The following SMAD3 variants were observed in gnomAD, a reference collection of about 807,000 sequenced individuals.
SMAD3 encodes the protein MAD homolog 3.
SMAD3 carries 12 observed loss-of-function variants against 51.8 expected under a neutral mutation model. The ratio of observed to expected loss-of-function variants is 0.23; its 90% confidence interval spans 0.15 to 0.38. The LOEUF (loss-of-function observed/expected upper bound fraction) is 0.38, where lower values mean the gene tolerates loss of function less well. SMAD3 is among the 10% of genes least tolerant of loss of function. SMAD3 has a pLI of 1.00. For synonymous variants in SMAD3, 238 were observed against 227.7 expected, an observed-to-expected ratio of 1.05 and a Z score of -0.41; for missense variants, 294 against 565.6, an observed-to-expected ratio of 0.52 and a Z score of 4.87.
At chr15:67,185,389 G>A (rs542514131) in intron 7 of SMAD3, among the ~76,000 whole-genome samples, 30 of 152,270 alleles carry the variant, frequency 2.0e-4, no homozygotes, top group African/African-American at 5.5e-4. Context: ...AGAAACATCC[G>A]GATCCTGAAG....
rs1555412065 is a variant in SMAD3 at position 67,164,931 on chromosome 15, G to T, written c.243G>T (p.Lys81Asn). 6.2e-7 allele frequency: 1 copy of T among 1,613,502 alleles called. No homozygotes were observed. The highest frequency in any genetic ancestry group is 8.5e-7 in the Non-Finnish European group (1 of 1,180,046). Residue 81 changes from lysine to asparagine, a missense_variant, in exon 2 of 9, where the codon AAG (lysine) becomes AAT (asparagine). Physicochemically the swap from Lys to Asn is moderately conservative, Grantham distance 94 (BLOSUM62 0). This residue lies in a region of SMAD3 where 147 missense variants were observed against 260.9 expected (regional missense o/e 0.56). Transcript: ENST00000327367. ...GCCGGTTGCAGGTGTCCCATCGGAA[G>T]GGGCTCCCTCATGTCATCTACTGCC... ...LDGRLQVSHRKGLPHVIYCRL... is the reference protein window; with the variant it reads ...LDGRLQVSHRNGLPHVIYCRL...
rs372450521 is a variant in SMAD3 at position 67,153,266 on chromosome 15, T to C, written c.207-11629T>C. 8.2e-4 allele frequency among the ~76,000 whole-genome samples: 125 copies of C among 152,150 alleles called. 2 individuals are homozygous for C. In the East Asian group the frequency reaches 0.02, roughly 24 times the overall value. On this transcript the variant is annotated intron_variant, in intron 1 of 8. Coordinates refer to ENST00000327367, the MANE Select transcript of SMAD3 (RefSeq NM_005902.4). Reference sequence around the variant, plus strand: ...AAGCACTTTGGGAGGCTGGGGCAGGTGGATCACCTGAGGTCAGGCGTTTGA... The same window carrying C: ...AAGCACTTTGGGAGGCTGGGGCAGGCGGATCACCTGAGGTCAGGCGTTTGA...
In SMAD3 at chr15:67,117,537, GT is replaced by G. The variant is rs1418921480; in HGVS notation, c.207-47357del. 3.3e-5 allele frequency among the ~76,000 whole-genome samples: 5 copies of G among 152,228 alleles called. No homozygotes were observed. In the South Asian group the frequency reaches 1.0e-3, roughly 32 times the overall value. ...CTTTTGATCATGAGGAAGCCACCAG[GT>G]CCCTGGTGGAGTTCAGCAGATGTGC... On this transcript the variant is annotated intron_variant, in intron 1 of 8. Transcript: ENST00000327367.
At chr15:67,092,721 G>A (rs1360355619) in intron 1 of SMAD3, among the ~76,000 whole-genome samples, 2 of 152,188 alleles carry the variant, frequency 1.3e-5, no homozygotes, top group Non-Finnish European at 2.9e-5. Flanking sequence ...GGACTGGTAG[G>A]GCTGTGCCCC....
chr15:67,128,773 C>T (rs1211075461), intron 1 of SMAD3, among the ~76,000 whole-genome samples: 1 of 152,054 alleles, frequency 6.6e-6, no homozygotes, highest in Non-Finnish European at 1.5e-5. Flanking sequence ...GTGAACCTCG[C>T]CATTTTGCCA....
chr15:67,112,277 G>C (rs1961034558), intron 1 of SMAD3, among the ~76,000 whole-genome samples: 1 of 147,494 alleles, frequency 6.8e-6, no homozygotes. Context: ...AGCCTCCCAA[G>C]TAGCTGGGAT....
intron 1 of SMAD3, among the ~76,000 whole-genome samples, chr15:67,101,544 A>G (rs1484366698): frequency 6.6e-6 from 1 of 152,154 alleles, no homozygotes; most frequent in African/African-American, 2.4e-5. Context: ...AGCAATGATG[A>G]TGACAGTGAT....
At chr15:67,182,996 A>ATATATATATATAT (rs1429510155) in intron 6 of SMAD3, among the ~76,000 whole-genome samples, 5 of 55,374 alleles carry the variant, frequency 9.0e-5, no homozygotes, top group South Asian at 7.3e-4. Flanking sequence ...TAAAAAAAAA[A>ATATATATATATAT]AAAAATATAT....
At chr15:67,185,226 G>A (rs942529267) in intron 7 of SMAD3, among the ~76,000 whole-genome samples, 1 of 152,170 alleles carries the variant, frequency 6.6e-6, no homozygotes, top group African/African-American at 2.4e-5. Context: ...GCCCTGCTCT[G>A]CCCCCGCAGA....
intron 1 of SMAD3, chr15:67,125,626 CGTG>C: frequency 1.4e-6 from 1 of 732,620 alleles, no homozygotes; most frequent in Non-Finnish European, 1.7e-6. Flanking sequence ...ATCCAGAGTG[CGTG>C]GTGTTTATTT....
In SMAD3 at chr15:67,173,034, C is replaced by T. The variant is rs567134133; in HGVS notation, c.658+2430C>T. 4.8e-4 allele frequency among the ~76,000 whole-genome samples: 73 copies of T among 152,210 alleles called. 1 individual carries two copies. Among genetic ancestry groups the T allele is most frequent in the Middle Eastern group, 3.4e-3 (1 of 294 alleles). On this transcript the variant is annotated intron_variant, in intron 5 of 8. Transcript: ENST00000327367. ...CACAGACATAGCCATCGAGGGGCTA[C>T]GGCCTTGTTGGGATCAATAAGGCAG...
At chr15:67,154,939 G>A (rs1962242878) in intron 1 of SMAD3, among the ~76,000 whole-genome samples, 1 of 152,206 alleles carries the variant, frequency 6.6e-6, no homozygotes, top group African/African-American at 2.4e-5. Context: ...ACGCACATGT[G>A]TTTTACACAC....
intron 1 of SMAD3, among the ~76,000 whole-genome samples, chr15:67,149,114 T>G (rs964207728): frequency 4.0e-5 from 6 of 151,586 alleles, no homozygotes; most frequent in Admixed American, 3.9e-4. Flanking sequence ...AGCCACAGAG[T>G]GGGTTACTGT....
rs28719801 is a variant in SMAD3, at chr15:67,167,019, G to A, written c.607+166G>A. Among the ~76,000 whole-genome samples, 1,633 of 152,240 alleles carry A rather than the reference G, an allele frequency of 0.011. 24 individuals are homozygous for A. The highest frequency in any genetic ancestry group is 0.038 in the African/African-American group (1,568 of 41,532). On this transcript the variant is annotated intron_variant, in intron 4 of 8. Transcript: ENST00000327367. ...AGGGGCAGGGCATAGAAGAGGGTCC[G>A]AGCTGCTCACAGATGATGGGGGAGA...
chr15:67,185,311 GCCAGCAGC>G (rs1567002385), intron 7 of SMAD3, among the ~76,000 whole-genome samples: 1 of 152,202 alleles, frequency 6.6e-6, no homozygotes, highest in Non-Finnish European at 1.5e-5. Flanking sequence ...CAAGCACCAA[GCCAGCAGC>G]CCAGGTAGAG....
chr15:67,161,351 T>A (rs146871605), intron 1 of SMAD3, among the ~76,000 whole-genome samples: 1 of 152,340 alleles, frequency 6.6e-6, no homozygotes, highest in African/African-American at 2.4e-5. Context: ...GTTTAATTAA[T>A]ATCCAAGTGA....
intron 1 of SMAD3, among the ~76,000 whole-genome samples, chr15:67,069,628 A>C (rs1232092584): frequency 1.3e-5 from 2 of 152,130 alleles, no homozygotes; most frequent in African/African-American, 2.4e-5. Flanking sequence ...CTTGTGTCAG[A>C]GCACCCAGTC....
intron 4 of SMAD3, among the ~76,000 whole-genome samples, chr15:67,170,336 A>G (rs1312350006): frequency 6.6e-6 from 1 of 152,226 alleles, no homozygotes; most frequent in Non-Finnish European, 1.5e-5. Flanking sequence ...GACCTCTGAG[A>G]TCATCCACTC....
chr15:67,092,384 T>G (rs1480788184), intron 1 of SMAD3, among the ~76,000 whole-genome samples: 1 of 152,214 alleles, frequency 6.6e-6, no homozygotes, highest in Non-Finnish European at 1.5e-5. Context: ...AGCTGTTAGG[T>G]GAACACTTTA....
Sources: gnomAD v4.1 joint callset for allele counts (sites outside exome capture counted in the v4.1 genomes callset) on GRCh38, gnomAD v4.1.1 for gene constraint, gnomAD v4.1.1 regional missense constraint, MANE v1.5 for transcripts, NCBI Gene and HGNC (gene_info 2026-07-23, HGNC 2026-07-21) for gene names.